Variants in HNRNPC observed in about 807,000 individuals in gnomAD.
The protein encoded by HNRNPC is heterogeneous nuclear ribonucleoprotein C, also known as heterogeneous nuclear ribonucleoproteins C1/C2.
Under a neutral mutation model 33.2 loss-of-function variants are expected in HNRNPC, and 3 were observed. The observed-to-expected ratio is 0.09, with a 90% CI of 0.04 to 0.23. The LOEUF is 0.23. Ranked by LOEUF, HNRNPC falls within the 10% of genes least tolerant of loss-of-function variation. The pLI, the probability that HNRNPC is intolerant of heterozygous loss-of-function variation, is 1.00. For missense variants in HNRNPC, 143 were observed against 366.7 expected (o/e 0.39, Z 4.98); for synonymous variants, 121 against 126.7 (o/e 0.96, Z 0.30).
chr14:21,268,102 G>C (rs1879317608), intron 1 of HNRNPC, among the ~76,000 whole-genome samples: 1 of 151,996 alleles, frequency 6.6e-6, no homozygotes, highest in Non-Finnish European at 1.5e-5. Context: ...AATAAACTTA[G>C]CCAAATCTCA....
chr14:21,218,867 T>C (rs1387046305), intron 5 of HNRNPC, among the ~76,000 whole-genome samples: 1 of 151,456 alleles, frequency 6.6e-6, no homozygotes, highest in East Asian at 1.9e-4. Flanking sequence ...ATCCCAGCAC[T>C]ATGGGAGGCC....
chr14:21,213,018 C>T lies in HNRNPC; in HGVS notation c.465G>A (p.Arg155=). ...TCTTAGAATTGAAGCCACTTTTGCC[C>T]CTTCGTGAAGTGTTTCCTGATACAC... ...RQRVSGNTSR[R]GKSGFNSKSG... Residue 155 remains arginine (R), a synonymous_variant, in exon 6 of 9, where the codon AGG becomes AGA. Transcript: ENST00000553300. The T allele has an allele frequency of 1.9e-6, 3 of 1,613,966 alleles. No homozygotes were observed. The highest frequency in any genetic ancestry group is 2.5e-6 in the Non-Finnish European group (3 of 1,179,868).
intron 1 of HNRNPC, chr14:21,265,397 A>T (rs1227989955): frequency 1.3e-5 from 2 of 152,248 alleles, no homozygotes; most frequent in Non-Finnish European, 2.9e-5. Context: ...AAATGTGAAA[A>T]GAAACCAATT....
intron 5 of HNRNPC, among the ~76,000 whole-genome samples, chr14:21,219,773 T>C (rs544918595): frequency 1.3e-5 from 2 of 152,290 alleles, no homozygotes; most frequent in South Asian, 4.1e-4. Context: ...CTTAGAACCA[T>C]ATAAACAACT....
intron 2 of HNRNPC, among the ~76,000 whole-genome samples, chr14:21,251,419 C>T (rs541809978): frequency 6.5e-4 from 99 of 152,166 alleles, no homozygotes; most frequent in African/African-American, 2.2e-3. Context: ...TGGCTCACAC[C>T]TGTACTCCCA....
rs141350444 is a variant in HNRNPC, at chr14:21,261,912, A to C, written c.-37+1399T>G. ...TCTACACCATTCCTGTGAATAACAC[A>C]GAATACACTCCTTCTTAACATCAGA... On this transcript the variant is annotated intron_variant, in intron 2 of 8. Coordinates refer to ENST00000553300, the MANE Select transcript of HNRNPC (RefSeq NM_004500.4). Among the ~76,000 whole-genome samples the C allele has an allele frequency of 7.7e-3, 1,174 of 152,314 alleles. 16 individuals carry two copies. The highest frequency in any genetic ancestry group is 0.027 in the African/African-American group (1,105 of 41,548).
At chr14:21,259,091 T>TC (rs1711804895) in intron 2 of HNRNPC, among the ~76,000 whole-genome samples, 1 of 152,226 alleles carries the variant, frequency 6.6e-6, no homozygotes, top group Admixed American at 6.5e-5. Context: ...TGCCTACCTC[T>TC]CTAACTCCAT....
chr14:21,235,058 T>G (rs1894537408), intron 2 of HNRNPC, among the ~76,000 whole-genome samples: 1 of 152,164 alleles, frequency 6.6e-6, no homozygotes, highest in South Asian at 2.1e-4. Context: ...TTCCACGCAT[T>G]ATTTAAAACC....
intron 1 of HNRNPC, among the ~76,000 whole-genome samples, chr14:21,266,765 T>C (rs1249818345): frequency 1.3e-5 from 2 of 151,362 alleles, no homozygotes; most frequent in African/African-American, 4.9e-5. Context: ...ACTGAAATAA[T>C]GTGGTTAAGA....
rs76303947 is a variant in HNRNPC at position 21,229,508 on chromosome 14, C to T, written c.365+811G>A. Among the ~76,000 whole-genome samples the T allele has an allele frequency of 8.3e-4, 126 of 152,218 alleles. 1 individual carries two copies. The East Asian group carries it at 0.023, about 28-fold the overall frequency. On this transcript the variant is annotated intron_variant, in intron 5 of 8. Coordinates refer to ENST00000553300, the MANE Select transcript of HNRNPC (RefSeq NM_004500.4). ...TACAATCTGGATTTGAATTCCTTTT[C>T]GGGCCTTACTCTTCTGGCCTTCTAA...
intron 2 of HNRNPC, among the ~76,000 whole-genome samples, chr14:21,242,034 C>CTCTA (rs1463624773): frequency 6.6e-6 from 1 of 152,156 alleles, no homozygotes; most frequent in Non-Finnish European, 1.5e-5. Flanking sequence ...ACCAACCTCA[C>CTCTA]TCTAAATCCT....
intron 6 of HNRNPC, among the ~76,000 whole-genome samples, chr14:21,212,511 C>T (rs553246348): frequency 6.6e-6 from 1 of 152,142 alleles, no homozygotes; most frequent in Admixed American, 6.5e-5. Flanking sequence ...GAATTGGCCA[C>T]TCAATCACAA....
rs1341879824 is a variant in HNRNPC at position 21,249,501 on chromosome 14, T to G, written c.-37+13810A>C. Among the ~76,000 whole-genome samples, 5 of 149,512 alleles carry G rather than the reference T, an allele frequency of 3.3e-5. No individual in the cohort carries two copies. In the East Asian group the frequency reaches 9.8e-4, roughly 29 times the overall value. The stretch of plus-strand genomic sequence containing the variant: ...ACTTGGGAGGCTGAGGCTAGAGAAT[T>G]GCTTGAACCGGGAAGCAGAGATAGC... On this transcript the variant is annotated intron_variant, in intron 2 of 8. Coordinates refer to ENST00000553300, the MANE Select transcript of HNRNPC (RefSeq NM_004500.4).
intron 1 of HNRNPC, among the ~76,000 whole-genome samples, chr14:21,265,832 T>C (rs1458064202): frequency 1.3e-5 from 2 of 152,208 alleles, no homozygotes; most frequent in Non-Finnish European, 2.9e-5. Flanking sequence ...AAAGTATCTC[T>C]AGGTTATTCT....
At chr14:21,230,605 T>C (rs560045558) in intron 4 of HNRNPC, 2 of 533,738 alleles carry the variant, frequency 3.7e-6, no homozygotes, top group Admixed American at 3.5e-5. Flanking sequence ...ACATACGACA[T>C]AGCTAAACTA....
chr14:21,261,896 T>C (rs1238293554), intron 2 of HNRNPC, among the ~76,000 whole-genome samples: 2 of 152,206 alleles, frequency 1.3e-5, no homozygotes, highest in East Asian at 1.9e-4. Context: ...CTCTACACCA[T>C]TCCTGTGAAT....
intron 5 of HNRNPC, among the ~76,000 whole-genome samples, chr14:21,225,218 T>G (rs1194291685): frequency 6.6e-6 from 1 of 151,384 alleles, no homozygotes; most frequent in African/African-American, 2.4e-5. Flanking sequence ...GTCAGGAGTT[T>G]GAGACCAGTC....
At chr14:21,243,437 ATT>A (rs1432445477) in intron 2 of HNRNPC, among the ~76,000 whole-genome samples, 1 of 152,186 alleles carries the variant, frequency 6.6e-6, no homozygotes, top group African/African-American at 2.4e-5. Context: ...GTATGTATAT[ATT>A]GTGTTCAAAA....
Position 21,212,949 on chromosome 14 carries a change from A to G in HNRNPC, c.523+11T>C. ...AGAGATACCAAAATCACAAAATGAAATAATACATACACTTTCCAGACTTGG... is the reference window on the plus strand; with the variant it reads ...AGAGATACCAAAATCACAAAATGAAGTAATACATACACTTTCCAGACTTGG... On this transcript the variant is annotated intron_variant, in intron 6 of 8. Coordinates refer to ENST00000553300, the MANE Select transcript of HNRNPC (RefSeq NM_004500.4). The G allele has an allele frequency of 1.9e-6, 3 of 1,613,582 alleles. No individual in the cohort carries two copies. The highest frequency in any genetic ancestry group is 1.1e-5 in the South Asian group (1 of 91,056).
Sources: gnomAD v4.1 joint callset for allele counts (sites outside exome capture counted in the v4.1 genomes callset) on GRCh38, gnomAD v4.1.1 for gene constraint, MANE v1.5 for transcripts, NCBI Gene and HGNC (gene_info 2026-07-23, HGNC 2026-07-21) for gene names.